NIPA2: variants seen among roughly 807,000 people sequenced by gnomAD.
NIPA2 encodes magnesium transporter NIPA2.
NIPA2 carries 11 observed loss-of-function variants against 29.7 expected under a neutral mutation model. The observed-to-expected ratio is 0.37, with a 90% confidence interval of 0.23 to 0.61. NIPA2 has a LOEUF of 0.61. Among genes scored for constraint, NIPA2 ranks in the 20% least tolerant of loss-of-function variants. The probability of loss-of-function intolerance (pLI) is 0.66; values close to 1 mark genes in which losing one functional copy is unlikely to be tolerated. For missense variants in NIPA2, 426 were observed against 437.9 expected, an observed-to-expected ratio of 0.97 and a Z score of 0.24; for synonymous variants, 183 against 161.9, an observed-to-expected ratio of 1.13 and a Z score of -0.99.
At chr15:22,861,031 T>C (rs1050664490) in intron 7 of NIPA2, among the ~76,000 whole-genome samples, 25 of 152,330 alleles carry the variant, frequency 1.6e-4, no homozygotes, top group African/African-American at 5.8e-4. Flanking sequence ...TTAGGCATTA[T>C]CTGTTTTACC....
intron 2 of NIPA2, among the ~76,000 whole-genome samples, chr15:22,840,006 C>T (rs895462707): frequency 2.6e-5 from 4 of 152,102 alleles, no homozygotes; most frequent in Admixed American, 6.6e-5. Context: ...CTGCAACTTC[C>T]GCCTCCCGGG....
At chr15:22,857,487 C>T (rs965801537) in intron 5 of NIPA2, among the ~76,000 whole-genome samples, 1 of 151,434 alleles carries the variant, frequency 6.6e-6, no homozygotes, top group African/African-American at 2.4e-5. Flanking sequence ...TGTTTTGCAC[C>T]CTGCTGTATA....
intron 6 of NIPA2, among the ~76,000 whole-genome samples, chr15:22,859,969 T>A (rs1490571251): frequency 1.3e-5 from 2 of 151,974 alleles, no homozygotes; most frequent in East Asian, 3.9e-4. Flanking sequence ...GGTGCATGCA[T>A]CAACCAATAG....
At chr15:22,855,039 TTTG>T in intron 5 of NIPA2, among the ~76,000 whole-genome samples, 1 of 152,322 alleles carries the variant, frequency 6.6e-6, no homozygotes. Context: ...GAGGTATGTA[TTTG>T]ATAAGACTTA....
chr15:22,838,947 G>A lies in NIPA2; in HGVS notation c.-352+26G>A, dbSNP rs950405503. On this transcript the variant is annotated intron_variant, in intron 1 of 7. Transcript: ENST00000337451. ...GTGAGGTCGCCACTCCTTCCTTTCA[G>A]GCAAGCGCGAAGGGGCTGACTTGGT... 20 of 152,338 alleles carry A rather than the reference G, an allele frequency of 1.3e-4. 1 individual carries two copies. Among genetic ancestry groups the A allele is most frequent in the Admixed American group, 1.2e-3 (19 of 15,308 alleles). 9.4% of individuals were successfully genotyped at this position (152,338 alleles called of 1,614,324 possible).
intron 7 of NIPA2, among the ~76,000 whole-genome samples, chr15:22,862,684 G>T (rs1229917147): frequency 6.6e-6 from 1 of 151,984 alleles, no homozygotes; most frequent in African/African-American, 2.4e-5. Flanking sequence ...GGCCTCCTGT[G>T]GTGGTGTTTC....
intron 7 of NIPA2, among the ~76,000 whole-genome samples, chr15:22,864,149 T>C (rs1163284306): frequency 6.6e-6 from 1 of 152,082 alleles, no homozygotes; most frequent in Non-Finnish European, 1.5e-5. Context: ...TGGTGGTCTT[T>C]GGCTATCTTT....
rs117117925 is a variant in NIPA2 at position 22,857,907 on chromosome 15, G to A, written c.197-633G>A. Reference sequence around the variant, plus strand: ...GGAAGAGTACCTTTACCTTCATGTCGGCTTCTTCTCAGTGATTTTTATTTA... The same window carrying A: ...GGAAGAGTACCTTTACCTTCATGTCAGCTTCTTCTCAGTGATTTTTATTTA... On this transcript the variant is annotated intron_variant, in intron 5 of 7. Coordinates refer to ENST00000337451, the MANE Select transcript of NIPA2 (RefSeq NM_030922.7). Among the ~76,000 whole-genome samples the A allele has an allele frequency of 5.3e-3, 804 of 150,750 alleles. 5 individuals are homozygous for A. The highest frequency in any genetic ancestry group is 9.2e-3 in the Non-Finnish European group (623 of 67,860).
chr15:22,840,933 C>T (rs1398153672), intron 2 of NIPA2, among the ~76,000 whole-genome samples: 2 of 138,884 alleles, frequency 1.4e-5, no homozygotes, highest in Non-Finnish European at 3.0e-5. Flanking sequence ...ATGGTGTAAG[C>T]TTCATTTAAA....
intron 5 of NIPA2, among the ~76,000 whole-genome samples, chr15:22,856,348 G>T (rs965844426): frequency 1.3e-5 from 2 of 151,670 alleles, no homozygotes; most frequent in African/African-American, 4.8e-5. Context: ...AAAAATAGAA[G>T]ATTGTGTATA....
intron 5 of NIPA2, among the ~76,000 whole-genome samples, chr15:22,853,953 GAGTAGCTGAGACTACTGGTGCGCACCAC>G (rs1465614086): frequency 6.6e-6 from 1 of 151,806 alleles, no homozygotes; most frequent in African/African-American, 2.4e-5. Flanking sequence ...TCATCCTCCT[GAGTAGCTGAGACTACTGGTGCGCACCAC>G]TATGCCCAGC....
intron 7 of NIPA2, among the ~76,000 whole-genome samples, chr15:22,863,855 G>A (rs887169076): frequency 6.6e-6 from 1 of 152,112 alleles, no homozygotes; most frequent in African/African-American, 2.4e-5. Flanking sequence ...GGCCCTTTAA[G>A]TCCTGGCTAC....
chr15:22,851,163 T>G, intron 3 of NIPA2, among the ~76,000 whole-genome samples: 1 of 152,168 alleles, frequency 6.6e-6, no homozygotes, highest in East Asian at 1.9e-4. Context: ...TCTCAGCACA[T>G]CCCTGAATAG....
In NIPA2 at chr15:22,867,258, AATACATTATCCTGT is replaced by A; in HGVS notation, c.*412_*425del. On this transcript the variant is annotated 3_prime_UTR_variant, in exon 8 of 8. Transcript: ENST00000337451. Reference sequence around the variant, plus strand: ...TATTTTAAAAAAACAGAGTTATCCCAATACATTATCCTGTGATTTACCTTACCTACAAAAGTGGC... The same window carrying A: ...TATTTTAAAAAAACAGAGTTATCCCAGATTTACCTTACCTACAAAAGTGGC... 2.5e-6 allele frequency: 1 copy of A among 402,158 alleles called. No homozygotes were observed. The highest frequency in any genetic ancestry group is 4.4e-6 in the Non-Finnish European group (1 of 228,474). The allele number at this position is 402,158 out of a possible 1,614,324, so 24.9% of individuals were successfully genotyped here. A position where few individuals can be genotyped will look rare whatever the true frequency, so the allele number is the denominator to read the frequency against.
At chr15:22,839,858 A>G (rs779952396) in intron 2 of NIPA2, 68 bp downstream of exon 2, 1 of 152,182 alleles carries the variant, frequency 6.6e-6, no homozygotes, top group Non-Finnish European at 1.5e-5. Flanking sequence ...AGGTTCTGTA[A>G]TATTTATAAG....
chr15:22,846,377 A>G (rs1365265272), intron 3 of NIPA2, among the ~76,000 whole-genome samples: 1 of 147,674 alleles, frequency 6.8e-6, no homozygotes, highest in Non-Finnish European at 1.5e-5. Context: ...CCAGATGTCA[A>G]GGCAACATGT....
chr15:22,858,423 T>G, intron 5 of NIPA2, 117 bp from the exon 6 acceptor site: 1 of 540,266 alleles, frequency 1.9e-6, no homozygotes. Context: ...ATTGGAAAAA[T>G]ATGGAGGTTA....
chr15:22,862,558 G>A (rs17524529), intron 7 of NIPA2, among the ~76,000 whole-genome samples: 10,651 of 151,922 alleles, frequency 0.07, 575 homozygotes, highest in East Asian at 0.24. Context: ...CAGCCCTTCT[G>A]AGTTTTTATT....
At chr15:22,841,672 C>A (rs1372247041) in intron 2 of NIPA2, among the ~76,000 whole-genome samples, 1 of 152,142 alleles carries the variant, frequency 6.6e-6, no homozygotes, top group African/African-American at 2.4e-5. Flanking sequence ...CCATGCCTGG[C>A]TGATTTTTGT....
Sources: allele counts gnomAD v4.1 joint callset (sites outside exome capture counted in the v4.1 genomes callset), GRCh38; gene constraint gnomAD v4.1.1; transcripts MANE v1.5; gene names NCBI Gene and HGNC (gene_info 2026-07-23, HGNC 2026-07-21).